GABPA: variants seen among roughly 807,000 people sequenced by gnomAD.
GABPA encodes the protein GA-binding protein alpha chain.
A neutral mutation model predicts 59.4 loss-of-function variants in GABPA; 4 were observed. That is an observed-to-expected ratio of 0.07 (90% confidence interval 0.03 to 0.15). The LOEUF (loss-of-function observed/expected upper bound fraction) is 0.15. Ranked by LOEUF, GABPA falls within the 10% of genes least tolerant of loss-of-function variation. GABPA has a pLI of 1.00. For synonymous variants in GABPA, 164 were observed against 183.1 expected (o/e 0.90, Z 0.84); for missense variants, 251 against 543.8 (o/e 0.46, Z 5.36).
chr21:25,757,074 C>T (rs1052562331), intron 5 of GABPA, among the ~76,000 whole-genome samples: 12 of 152,184 alleles, frequency 7.9e-5, no homozygotes, highest in African/African-American at 2.6e-4. Context: ...TTTATTTTCA[C>T]TATAATTTGC....
intron 1 of GABPA, among the ~76,000 whole-genome samples, chr21:25,736,758 T>C (rs2035077962): frequency 6.6e-6 from 1 of 152,222 alleles, no homozygotes; most frequent in African/African-American, 2.4e-5. Flanking sequence ...CAGATACCCT[T>C]CACCTGAGGG....
chr21:25,752,302 G>C, intron 5 of GABPA, 68 bp downstream of exon 5: 3 of 1,452,342 alleles, frequency 2.1e-6, no homozygotes, highest in East Asian at 2.3e-5. Context: ...AAGACACTAG[G>C]GTAAGTTATA....
rs567696392 is a variant in GABPA at position 25,734,979 on chromosome 21, C to A, written c.-626C>A. 46 of 1,560,330 alleles carry A rather than the reference C, an allele frequency of 2.9e-5. No homozygotes were observed. In the South Asian group the frequency reaches 4.4e-4, roughly 15 times the overall value. Reference sequence around the variant, plus strand: ...ATTATGGGCCGCCGTTTCAGTCGGTCGACGCTCACCGGACAGGAAGCGTCT... The same window carrying A: ...ATTATGGGCCGCCGTTTCAGTCGGTAGACGCTCACCGGACAGGAAGCGTCT... On this transcript the variant is annotated 5_prime_UTR_variant, in exon 1 of 10. Coordinates refer to ENST00000400075, the MANE Select transcript of GABPA (RefSeq NM_002040.4).
At chr21:25,741,786 T>C (rs1268040474) in intron 2 of GABPA, 111 bp downstream of exon 2, 1 of 628,656 alleles carries the variant, frequency 1.6e-6, no homozygotes, top group Admixed American at 3.2e-5. Flanking sequence ...GTTCTCAGTA[T>C]TTTAGGGAAT....
intron 9 of GABPA, 133 bp from the exon 10 acceptor site, chr21:25,768,871 A>G (rs766452088): frequency 1.1e-5 from 7 of 615,944 alleles, no homozygotes; most frequent in Non-Finnish European, 1.8e-5. Context: ...AATATTCTAC[A>G]TAGCTTCAAT....
intron 4 of GABPA, among the ~76,000 whole-genome samples, chr21:25,749,753 C>T (rs954116286): frequency 8.5e-5 from 13 of 152,294 alleles, no homozygotes; most frequent in African/African-American, 3.1e-4. Context: ...ATCACTTGAA[C>T]CCAGGAAGTG....
In GABPA at chr21:25,767,371, A is replaced by G. The variant is rs569045949; in HGVS notation, c.1137-1633A>G. Among the ~76,000 whole-genome samples the G allele has an allele frequency of 6.6e-5, 10 of 152,126 alleles. 1 individual carries two copies. The South Asian group carries it at 2.1e-3, about 32-fold the overall frequency. On this transcript the variant is annotated intron_variant, in intron 9 of 9. Transcript: ENST00000400075. ...AAAGTTTAAAAAAATACAAGTTTAA[A>G]AAAAAAGAGGGAAGAAAAGAAATCA... is the stretch of plus-strand genomic sequence containing the variant.
At chr21:25,742,273 A>T (rs572937819) in intron 2 of GABPA, among the ~76,000 whole-genome samples, 3 of 152,330 alleles carry the variant, frequency 2.0e-5, no homozygotes, top group African/African-American at 4.8e-5. Flanking sequence ...TTGGGAGTCA[A>T]CAAGAAGACT....
intron 6 of GABPA, among the ~76,000 whole-genome samples, chr21:25,759,806 G>C (rs1049640926): frequency 6.6e-6 from 1 of 152,114 alleles, no homozygotes; most frequent in African/African-American, 2.4e-5. Context: ...CATGTTTATT[G>C]AAACACTTTC....
chr21:25,737,395 T>C (rs1332730095), intron 1 of GABPA, among the ~76,000 whole-genome samples: 3 of 152,232 alleles, frequency 2.0e-5, no homozygotes, highest in African/African-American at 7.2e-5. Context: ...GGACTAAGCA[T>C]AGAGAACCAG....
intron 5 of GABPA, among the ~76,000 whole-genome samples, chr21:25,752,854 A>G (rs974788506): frequency 6.6e-6 from 1 of 152,198 alleles, no homozygotes; most frequent in Non-Finnish European, 1.5e-5. Flanking sequence ...AAACAGGAGC[A>G]TATTATTATA....
At chr21:25,760,870 T>TG (rs1258929207) in intron 6 of GABPA, among the ~76,000 whole-genome samples, 3 of 151,854 alleles carry the variant, frequency 2.0e-5, no homozygotes, top group African/African-American at 7.3e-5. Flanking sequence ...AAAACTTTTT[T>TG]TTTTTCCCCC....
At chr21:25,738,374 T>G (rs1325237017) in intron 1 of GABPA, among the ~76,000 whole-genome samples, 2 of 152,220 alleles carry the variant, frequency 1.3e-5, no homozygotes, top group Non-Finnish European at 2.9e-5. Context: ...CTTTAACTAC[T>G]TTTCTAATTT....
intron 1 of GABPA, among the ~76,000 whole-genome samples, chr21:25,736,157 T>C (rs1353199507): frequency 6.6e-6 from 1 of 152,188 alleles, no homozygotes; most frequent in African/African-American, 2.4e-5. Flanking sequence ...AATTTTTTTG[T>C]GTACTAGAAG....
At chr21:25,740,385 G>A (rs1167755980) in intron 1 of GABPA, among the ~76,000 whole-genome samples, 1 of 152,180 alleles carries the variant, frequency 6.6e-6, no homozygotes, top group African/African-American at 2.4e-5. Context: ...TTAAAGGTAC[G>A]CCTCTTTTTA....
intron 5 of GABPA, among the ~76,000 whole-genome samples, chr21:25,753,270 T>C (rs2035557408): frequency 6.6e-6 from 1 of 152,152 alleles, no homozygotes; most frequent in Non-Finnish European, 1.5e-5. Flanking sequence ...TATATTCAGC[T>C]GGAGGTTAGC....
At chr21:25,750,204 A>G (rs1346796680) in intron 4 of GABPA, among the ~76,000 whole-genome samples, 1 of 152,218 alleles carries the variant, frequency 6.6e-6, no homozygotes, top group Admixed American at 6.5e-5. Flanking sequence ...TGAGAATTTA[A>G]TGCTACCACT....
At position 25,769,205 on chromosome 21, in the gene GABPA, TTCTCTGCAAACG is replaced by T. The variant is rs1479272401; in HGVS notation, c.1339_1350del (p.Ser447_Thr450del). The T allele has an allele frequency of 1.2e-6, 2 of 1,601,956 alleles. No homozygotes were observed. The highest frequency in any genetic ancestry group is 1.7e-6 in the Non-Finnish European group (2 of 1,169,146). ...TCACAGCAGTAGCTCTGGCTACTGC[TTCTCTGCAAACG>T]GAAAAGGATAATTGAGCCCCAGGAC... On this transcript the variant is annotated inframe_deletion, in exon 10 of 10. Coordinates refer to ENST00000400075, the MANE Select transcript of GABPA (RefSeq NM_002040.4).
At chr21:25,753,086 T>A (rs2035553177) in intron 5 of GABPA, among the ~76,000 whole-genome samples, 1 of 152,168 alleles carries the variant, frequency 6.6e-6, no homozygotes, top group South Asian at 2.1e-4. Context: ...CATCATTACA[T>A]ATTTAGTGAA....
Sources: allele counts gnomAD v4.1 joint callset (sites outside exome capture counted in the v4.1 genomes callset), GRCh38; gene constraint gnomAD v4.1.1; transcripts MANE v1.5; gene names NCBI Gene and HGNC (gene_info 2026-07-23, HGNC 2026-07-21).